CHD7: variants seen among roughly 807,000 people sequenced by gnomAD.
CHD7 encodes the protein ATP-dependent chromatin remodeler CHD7.
Under a neutral mutation model 307.3 loss-of-function variants are expected in CHD7, and 24 were observed. The observed-to-expected ratio is 0.08, with a 90% CI of 0.06 to 0.11. The LOEUF (loss-of-function observed/expected upper bound fraction) is 0.11, where lower values mean the gene tolerates loss of function less well. CHD7 is among the 10% of genes least tolerant of loss of function. The probability of loss-of-function intolerance (pLI) is 1.00; values close to 1 mark genes in which losing one functional copy is unlikely to be tolerated. For missense variants in CHD7, 3,106 were observed against 3,727.1 expected, an observed-to-expected ratio of 0.83 and a Z score of 4.34; for synonymous variants, 1,363 against 1,349.9, an observed-to-expected ratio of 1.01 and a Z score of -0.21.
At chr8:60,749,400 T>C (rs909786180) in intron 2 of CHD7, among the ~76,000 whole-genome samples, 1 of 118,356 alleles carries the variant, frequency 8.4e-6, no homozygotes, top group African/African-American at 3.2e-5. Context: ...AAAAAGGAAT[T>C]ACAAATTACA....
intron 3 of CHD7, among the ~76,000 whole-genome samples, chr8:60,790,936 C>T (rs965191542): frequency 3.3e-5 from 5 of 152,022 alleles, no homozygotes; most frequent in South Asian, 2.1e-4. Context: ...GTGGTGTCCG[C>T]GCAGGGTCTT....
chr8:60,820,202 C>T (rs1803963771), intron 9 of CHD7, 112 bp downstream of exon 9: 1 of 513,300 alleles, frequency 1.9e-6, no homozygotes, highest in Non-Finnish European at 3.5e-6. Flanking sequence ...TGGACTGTGA[C>T]ACACTTGGTC....
At chr8:60,836,521 G>A (rs1472097063) in intron 16 of CHD7, among the ~76,000 whole-genome samples, 3 of 152,274 alleles carry the variant, frequency 2.0e-5, no homozygotes, top group African/African-American at 7.2e-5. Context: ...TTGAGTAGGG[G>A]AGAATAGTTC....
In CHD7 at chr8:60,852,172, G is replaced by A. The variant is rs577368521; in HGVS notation, c.5819G>A (p.Arg1940His). The A allele has an allele frequency of 5.0e-6, 8 of 1,613,882 alleles. No homozygotes were observed. The highest frequency in any genetic ancestry group is 2.2e-5 in the South Asian group (2 of 91,086). ...RQEALMKTDRRRRRPREEVRA... is the reference protein window; with the variant it reads ...RQEALMKTDRHRRRPREEVRA... ...GAGGCCCTAATGAAGACTGACCGGCGCAGACGGCGGCCTCGAGAGGAAGTG... is the reference window on the plus strand; with the variant it reads ...GAGGCCCTAATGAAGACTGACCGGCACAGACGGCGGCCTCGAGAGGAAGTG... The change falls in exon 29 of 38, where the codon CGC becomes CAC. Residue 1940 changes from arginine (R) to histidine (H), a missense_variant. Arg to His is a conservative substitution (Grantham distance 29, BLOSUM62 0). Coordinates refer to ENST00000423902, the MANE Select transcript of CHD7 (RefSeq NM_017780.4).
In CHD7 at chr8:60,860,428, T is replaced by G. The variant is rs76865031; in HGVS notation, c.7609-476T>G. ...TGAAGAATGATATAAAAGTTTCGTC[T>G]TCTTCTTTTTATTTTTATTTTTTTG... On this transcript the variant is annotated intron_variant, in intron 34 of 37. Coordinates refer to ENST00000423902, the MANE Select transcript of CHD7 (RefSeq NM_017780.4). 8.6e-3 allele frequency among the ~76,000 whole-genome samples: 1,303 copies of G among 152,318 alleles called. 10 individuals are homozygous for G. The highest frequency in any genetic ancestry group is 0.033 in the South Asian group (161 of 4,828).
chr8:60,688,750 A>C (rs1321852415), intron 1 of CHD7, among the ~76,000 whole-genome samples: 1 of 152,142 alleles, frequency 6.6e-6, no homozygotes, highest in East Asian at 1.9e-4. Context: ...CAATTCTCCA[A>C]ACATGGTGGG....
intron 35 of CHD7, chr8:60,861,863 A>G (rs1805994792): frequency 1.6e-5 from 3 of 188,704 alleles, no homozygotes; most frequent in African/African-American, 7.2e-5. Context: ...CTCTGTGTTC[A>G]TTGGAGCCAC....
At chr8:60,862,744 A>G (rs1454980687) in intron 37 of CHD7, 92 bp downstream of exon 37, 2 of 831,226 alleles carry the variant, frequency 2.4e-6, no homozygotes. Context: ...TTAATTATTC[A>G]GTTGTAACTT....
intron 1 of CHD7, among the ~76,000 whole-genome samples, chr8:60,737,293 G>A (rs1240849877): frequency 6.6e-6 from 1 of 152,170 alleles, no homozygotes; most frequent in Non-Finnish European, 1.5e-5. Flanking sequence ...GCTGATGGCA[G>A]CAGCAGTTTT....
chr8:60,801,757 T>A (rs750490023), intron 6 of CHD7, among the ~76,000 whole-genome samples, 164 bp downstream of exon 6: 1 of 152,238 alleles, frequency 6.6e-6, no homozygotes, highest in Non-Finnish European at 1.5e-5. Context: ...TTTGGGATAT[T>A]TGACCCCAGA....
intron 1 of CHD7, among the ~76,000 whole-genome samples, chr8:60,705,438 G>C (rs1375222868): frequency 6.6e-6 from 1 of 152,198 alleles, no homozygotes; most frequent in African/African-American, 2.4e-5. Flanking sequence ...GTACTCGTTT[G>C]ATACTTAATG....
In CHD7 at chr8:60,854,515, T is replaced by G. The variant is rs1470683238; in HGVS notation, c.6928T>G (p.Trp2310Gly). The G allele has an allele frequency of 6.3e-7, 1 of 1,591,692 alleles. No individual in the cohort carries two copies. The highest frequency in any genetic ancestry group is 1.3e-5 in the African/African-American group (1 of 74,424). ...TGAAAGAACATTTGCCTTCTCGTTT[T>G]GGCCTAAGGTTGGCAGGTTTTTGTT... ...LHERTFAFSFWPKDRVMINRL... is the reference protein window; with the variant it reads ...LHERTFAFSFGPKDRVMINRL... The change falls in exon 32 of 38, where the codon TGG (tryptophan) becomes GGG (glycine). Residue 2310 changes from tryptophan to glycine, a missense_variant. By Grantham distance (184) the Trp-to-Gly change is radical. Around this residue, in one of 10 missense-constraint regions of CHD7, gnomAD observed 1,030 missense variants for 1,165.4 expected, o/e 0.88. Transcript: ENST00000423902.
chr8:60,829,703 G>A (rs763500894), intron 14 of CHD7, among the ~76,000 whole-genome samples: 2 of 152,308 alleles, frequency 1.3e-5, no homozygotes, highest in Admixed American at 6.5e-5. Context: ...AATAAATAAC[G>A]GAGATAGACT....
At chr8:60,820,358 A>C (rs1803970710) in intron 9 of CHD7, among the ~76,000 whole-genome samples, 1 of 152,244 alleles carries the variant, frequency 6.6e-6, no homozygotes, top group Non-Finnish European at 1.5e-5. Context: ...ACAATTCCAC[A>C]ATATGATAAA....
At chr8:60,753,255 A>G (rs886572247) in intron 2 of CHD7, among the ~76,000 whole-genome samples, 8 of 152,214 alleles carry the variant, frequency 5.3e-5, no homozygotes, top group Admixed American at 3.3e-4. Flanking sequence ...ACAGTGGAAC[A>G]TGTCAAGGGA....
chr8:60,804,624 T>C (rs1812458144), intron 6 of CHD7, among the ~76,000 whole-genome samples: 1 of 152,228 alleles, frequency 6.6e-6, no homozygotes, highest in South Asian at 2.1e-4. Context: ...CACGCCTTAT[T>C]GATAACTTTA....
At chr8:60,717,418 T>C (rs1008732693) in intron 1 of CHD7, among the ~76,000 whole-genome samples, 13 of 152,174 alleles carry the variant, frequency 8.5e-5, no homozygotes, top group African/African-American at 3.1e-4. Context: ...ATGTATTTTG[T>C]TTATCTAGAG....
In CHD7 at chr8:60,800,393, A is replaced by G. The variant is rs764159495; in HGVS notation, c.2244A>G (p.Arg748=). The G allele has an allele frequency of 6.2e-7, 1 of 1,613,258 alleles. No homozygotes were observed. The highest frequency in any genetic ancestry group is 1.1e-5 in the South Asian group (1 of 91,004). ...GTCTTGGGTTTTTGTTTTAGAAGAG[A>G]CGGTCCAGCAGACAGGTGAAGAGAA... The part of the protein sequence containing the change: ...EEDEDPGVQK[R]RSSRQVKRKR... The change falls in exon 5 of 38, where the codon AGA becomes AGG. Residue 748 remains arginine, a synonymous_variant. Coordinates refer to ENST00000423902, the MANE Select transcript of CHD7 (RefSeq NM_017780.4).
At chr8:60,832,446 C>T (rs1804560865) in intron 15 of CHD7, among the ~76,000 whole-genome samples, 1 of 152,162 alleles carries the variant, frequency 6.6e-6, no homozygotes, top group Admixed American at 6.5e-5. Context: ...GCAGCCGTTA[C>T]GGTGAGTGTT....
Sources: allele counts gnomAD v4.1 joint callset (sites outside exome capture counted in the v4.1 genomes callset), GRCh38; gene constraint gnomAD v4.1.1; regional missense constraint gnomAD v4.1.1; transcripts MANE v1.5; gene names NCBI Gene and HGNC (gene_info 2026-07-23, HGNC 2026-07-21).